The following NRXN3 variants were observed in gnomAD, a reference collection of about 807,000 sequenced individuals.
NRXN3 encodes neurexin 3.
Under a neutral mutation model 137.6 loss-of-function variants are expected in NRXN3, and 32 were observed. The ratio of observed to expected loss-of-function variants is 0.23; its 90% CI spans 0.18 to 0.31. The LOEUF (loss-of-function observed/expected upper bound fraction) is 0.31, where lower values mean the gene tolerates loss of function less well. Among genes scored for constraint, NRXN3 ranks in the 10% least tolerant of loss-of-function variants. The pLI is 1.00. For synonymous variants in NRXN3, 798 were observed against 784.5 expected, an observed-to-expected ratio of 1.02 and a Z score of -0.29; for missense variants, 1,574 against 2,062.5, an observed-to-expected ratio of 0.76 and a Z score of 4.59.
chr14:79,071,384 GC>G (rs1388887766), intron 15 of NRXN3, among the ~76,000 whole-genome samples: 1 of 152,050 alleles, frequency 6.6e-6, no homozygotes, highest in African/African-American at 2.4e-5. Context: ...CCCTCTGCTA[GC>G]CCCCCACTAC....
At chr14:78,461,242 A>T (rs1320764985) in intron 4 of NRXN3, among the ~76,000 whole-genome samples, 1 of 152,236 alleles carries the variant, frequency 6.6e-6, no homozygotes, top group African/African-American at 2.4e-5. Flanking sequence ...CTAAGTGCTC[A>T]GTGAAAAAAG....
intron 19 of NRXN3, among the ~76,000 whole-genome samples, chr14:79,804,575 G>T (rs533891880): frequency 8.5e-5 from 13 of 152,240 alleles, no homozygotes; most frequent in Non-Finnish European, 2.9e-5. Context: ...AGGAATTCTT[G>T]CTAATGATAA....
intron 15 of NRXN3, among the ~76,000 whole-genome samples, chr14:78,993,620 T>C (rs1217101612): frequency 2.0e-5 from 3 of 152,162 alleles, no homozygotes; most frequent in Non-Finnish European, 4.4e-5. Flanking sequence ...ACCAAACATT[T>C]CTTATTTGCA....
At chr14:78,234,632 C>A (rs938462513) in intron 1 of NRXN3, among the ~76,000 whole-genome samples, 5 of 152,128 alleles carry the variant, frequency 3.3e-5, no homozygotes, top group African/African-American at 1.2e-4. Flanking sequence ...CTAACCATCA[C>A]CATATCAAGC....
chr14:79,192,600 A>G (rs1454093421), intron 15 of NRXN3, among the ~76,000 whole-genome samples: 1 of 152,168 alleles, frequency 6.6e-6, no homozygotes, highest in Non-Finnish European at 1.5e-5. Context: ...CTTCACTTCC[A>G]TAGTTCTCAG....
intron 4 of NRXN3, among the ~76,000 whole-genome samples, chr14:78,332,206 C>T (rs1442766527): frequency 6.6e-6 from 1 of 152,164 alleles, no homozygotes; most frequent in African/African-American, 2.4e-5. Flanking sequence ...ATAAGGCAAA[C>T]CCTCGATAAA....
intron 15 of NRXN3, among the ~76,000 whole-genome samples, chr14:79,260,498 C>G (rs2077434436): frequency 6.6e-6 from 1 of 152,154 alleles, no homozygotes; most frequent in Admixed American, 6.5e-5. Flanking sequence ...CCCTCACCCC[C>G]ATCCGCACAG....
chr14:78,700,578 AC>A (rs923172237), intron 6 of NRXN3, among the ~76,000 whole-genome samples: 2 of 151,958 alleles, frequency 1.3e-5, no homozygotes, highest in Non-Finnish European at 1.5e-5. Context: ...GGAGAACTAC[AC>A]CCCCTACTTG....
intron 4 of NRXN3, among the ~76,000 whole-genome samples, chr14:78,478,260 G>A (rs1054875369): frequency 3.9e-5 from 6 of 152,034 alleles, no homozygotes; most frequent in East Asian, 1.9e-4. Context: ...GCCAGTATAC[G>A]CTTAAGCACT....
chr14:78,619,199 C>G (rs2097374617), intron 4 of NRXN3, among the ~76,000 whole-genome samples: 1 of 152,202 alleles, frequency 6.6e-6, no homozygotes, highest in Non-Finnish European at 1.5e-5. Flanking sequence ...CACTGGACAT[C>G]AGGGAAAGAT....
At chr14:79,087,905 G>A (rs541608182) in intron 15 of NRXN3, among the ~76,000 whole-genome samples, 1 of 152,316 alleles carries the variant, frequency 6.6e-6, no homozygotes, top group South Asian at 2.1e-4. Flanking sequence ...TGGAGAGAAT[G>A]TGAGAATTAA....
At chr14:79,017,665 A>G (rs896432891) in intron 15 of NRXN3, among the ~76,000 whole-genome samples, 6 of 152,142 alleles carry the variant, frequency 3.9e-5, no homozygotes, top group Non-Finnish European at 5.9e-5. Context: ...TATGCTATAT[A>G]TATAATGAGG....
At chr14:79,653,092 T>A (rs74319232) in intron 16 of NRXN3, among the ~76,000 whole-genome samples, 40 of 152,106 alleles carry the variant, frequency 2.6e-4, no homozygotes, top group African/African-American at 9.4e-4. Context: ...GCACTGCTGA[T>A]ATATTACAGT....
intron 10 of NRXN3, among the ~76,000 whole-genome samples, chr14:78,936,727 C>T (rs1215066338): frequency 6.6e-6 from 1 of 152,168 alleles, no homozygotes; most frequent in African/African-American, 2.4e-5. Flanking sequence ...ATTCAGCATC[C>T]AGTGTCCCCA....
intron 15 of NRXN3, among the ~76,000 whole-genome samples, chr14:79,246,433 G>A (rs2075198943): frequency 4.6e-5 from 7 of 152,130 alleles, no homozygotes. Context: ...TCTGTCCGAG[G>A]TTCTGCTTAC....
chr14:78,651,841 C>A (rs10142294), intron 6 of NRXN3, among the ~76,000 whole-genome samples: 6 of 152,134 alleles, frequency 3.9e-5, no homozygotes, highest in African/African-American at 1.4e-4. Context: ...CTCCCTCCCA[C>A]GACATGTGGG....
At chr14:79,112,810 G>A (rs926140841) in intron 15 of NRXN3, among the ~76,000 whole-genome samples, 2 of 152,180 alleles carry the variant, frequency 1.3e-5, no homozygotes, top group African/African-American at 2.4e-5. Context: ...TAGTGGTAGA[G>A]TTACAAGTAA....
chr14:78,930,265 C>T (rs1042485169), intron 10 of NRXN3, among the ~76,000 whole-genome samples: 3 of 152,056 alleles, frequency 2.0e-5, no homozygotes, highest in South Asian at 2.1e-4. Flanking sequence ...CTGATAAGGA[C>T]GCTGAGAGAG....
chr14:79,499,370 A>G (rs1475465610), intron 16 of NRXN3, among the ~76,000 whole-genome samples: 2 of 152,086 alleles, frequency 1.3e-5, no homozygotes, highest in Non-Finnish European at 2.9e-5. Context: ...TCCTTGTTTT[A>G]TACATAGTGA....
Sources: gnomAD v4.1 joint callset for allele counts (sites outside exome capture counted in the v4.1 genomes callset) on GRCh38, gnomAD v4.1.1 for gene constraint, MANE v1.5 for transcripts, NCBI Gene and HGNC (gene_info 2026-07-23, HGNC 2026-07-21) for gene names.